Variants in ALK observed in about 807,000 individuals in gnomAD.
The protein encoded by ALK is ALK tyrosine kinase receptor.
ALK carries 74 observed loss-of-function variants against 163.1 expected under a neutral mutation model. The observed-to-expected ratio is 0.45, with a 90% CI of 0.38 to 0.55. The LOEUF is 0.55. ALK is among the 20% of genes least tolerant of loss of function. The pLI, the probability that ALK is intolerant of heterozygous loss-of-function variation, is 0.00. For missense variants in ALK, 2,063 were observed against 2,105.3 expected (o/e 0.98, Z 0.39); for synonymous variants, 960 against 843.2 (o/e 1.14, Z -2.40).
At chr2:29,633,301 G>A (rs1481590317) in intron 3 of ALK, among the ~76,000 whole-genome samples, 1 of 152,108 alleles carries the variant, frequency 6.6e-6, no homozygotes, top group South Asian at 2.1e-4. Flanking sequence ...CTGAGCTCAG[G>A]AGGTGTGGGA....
intron 26 of ALK, among the ~76,000 whole-genome samples, chr2:29,204,502 G>A (rs1428083634): frequency 6.7e-6 from 1 of 150,054 alleles, no homozygotes; most frequent in African/African-American, 2.4e-5. Context: ...GTGGTTACGG[G>A]ATGTGGGGAG....
chr2:29,779,533 C>T (rs192419404), intron 1 of ALK, among the ~76,000 whole-genome samples: 35 of 152,296 alleles, frequency 2.3e-4, no homozygotes, highest in African/African-American at 7.2e-4. Context: ...ACCAGCAATA[C>T]GGACTCCTGA....
rs377301387 is a variant in ALK at position 29,574,707 on chromosome 2, G to T, written c.953-42591C>A. ...CTTGCTTTGAGGCAGGGCCTCCTGC[G>T]GGTTGGTGTTTCTACCTTTTGCTGA... On this transcript the variant is annotated intron_variant, in intron 3 of 28. Transcript: ENST00000389048. Among the ~76,000 whole-genome samples the T allele has an allele frequency of 1.4e-4, 22 of 152,340 alleles. No individual in the cohort carries two copies. In the East Asian group the frequency reaches 2.5e-3, roughly 17 times the overall value.
intron 8 of ALK, among the ~76,000 whole-genome samples, chr2:29,301,203 T>C (rs1666358150): frequency 6.6e-6 from 1 of 152,218 alleles, no homozygotes; most frequent in Non-Finnish European, 1.5e-5. Flanking sequence ...TCTTTTGTTT[T>C]CTCTACCTGC....
At chr2:29,489,741 C>T (rs913758304) in intron 4 of ALK, among the ~76,000 whole-genome samples, 10 of 152,212 alleles carry the variant, frequency 6.6e-5, no homozygotes, top group Non-Finnish European at 1.3e-4. Context: ...CCGAAGAAGC[C>T]TATTCTAGGG....
At chr2:29,206,183 T>A (rs1669303395) in intron 26 of ALK, among the ~76,000 whole-genome samples, 1 of 151,654 alleles carries the variant, frequency 6.6e-6, no homozygotes, top group Admixed American at 6.6e-5. Flanking sequence ...CCCCTTCTTT[T>A]CTTCCTCCCT....
chr2:29,677,955 T>C (rs554093489), intron 3 of ALK, among the ~76,000 whole-genome samples: 5 of 152,192 alleles, frequency 3.3e-5, no homozygotes, highest in Non-Finnish European at 5.9e-5. Context: ...CTAATTCAAG[T>C]CTTTACTTGT....
intron 4 of ALK, among the ~76,000 whole-genome samples, chr2:29,390,432 G>A (rs1256922387): frequency 2.6e-5 from 4 of 152,204 alleles, no homozygotes; most frequent in Non-Finnish European, 1.5e-5. Context: ...CAGGACTCAA[G>A]CCACACTGCT....
chr2:29,209,962 G>A (rs1018565059), intron 24 of ALK, 84 bp from the exon 25 acceptor site: 1 of 1,103,340 alleles, frequency 9.1e-7, no homozygotes. Context: ...TTATCTCCAA[G>A]CTGAAGTTTA....
At chr2:29,862,817 A>G (rs371646336) in intron 1 of ALK, among the ~76,000 whole-genome samples, 1 of 130,678 alleles carries the variant, frequency 7.7e-6, no homozygotes, top group African/African-American at 2.6e-5. Context: ...AGCCAAAGCA[A>G]TCTTGAGAAA....
intron 1 of ALK, among the ~76,000 whole-genome samples, chr2:29,841,327 T>C (rs74437418): frequency 0.012 from 1,788 of 152,326 alleles, 44 homozygotes; most frequent in African/African-American, 0.04. Flanking sequence ...CAGCTAATTC[T>C]AGAAGAGATA....
intron 8 of ALK, among the ~76,000 whole-genome samples, chr2:29,315,539 A>G (rs958327043): frequency 2.0e-5 from 3 of 152,106 alleles, no homozygotes; most frequent in Non-Finnish European, 4.4e-5. Context: ...TGGCAAGCAC[A>G]CCTACGGCCA....
At chr2:29,831,519 T>C (rs1665419675) in intron 1 of ALK, among the ~76,000 whole-genome samples, 1 of 152,140 alleles carries the variant, frequency 6.6e-6, no homozygotes, top group African/African-American at 2.4e-5. Context: ...TTTTACTGTG[T>C]GTGCTGTGTC....
chr2:29,359,765 G>A (rs1212518764), intron 5 of ALK, among the ~76,000 whole-genome samples: 1 of 152,192 alleles, frequency 6.6e-6, no homozygotes, highest in East Asian at 1.9e-4. Flanking sequence ...TGGCAGTCTT[G>A]TTAGCTGGGT....
At chr2:29,534,439 G>C (rs58870871) in intron 3 of ALK, among the ~76,000 whole-genome samples, 117 of 152,316 alleles carry the variant, frequency 7.7e-4, no homozygotes, top group African/African-American at 2.6e-3. Context: ...TCTGGGGACA[G>C]AGTCTTGCTC....
At chr2:29,301,280 C>A (rs1666362091) in intron 8 of ALK, among the ~76,000 whole-genome samples, 1 of 152,078 alleles carries the variant, frequency 6.6e-6, no homozygotes, top group South Asian at 2.1e-4. Flanking sequence ...TCTTTTCATC[C>A]ATCTCAGAAA....
intron 3 of ALK, among the ~76,000 whole-genome samples, chr2:29,581,688 A>G (rs998295025): frequency 3.3e-5 from 5 of 152,040 alleles, no homozygotes; most frequent in African/African-American, 1.2e-4. Context: ...GCTCCAGGAG[A>G]TGGTGACCAT....
intron 5 of ALK, among the ~76,000 whole-genome samples, chr2:29,358,639 T>C (rs1668311316): frequency 6.6e-6 from 1 of 152,234 alleles, no homozygotes; most frequent in Non-Finnish European, 1.5e-5. Flanking sequence ...CCAGTTCTAC[T>C]TGGACATGGA....
chr2:29,232,622 G>A (rs1664247242), intron 14 of ALK, among the ~76,000 whole-genome samples, 174 bp from the exon 15 acceptor site: 1 of 152,188 alleles, frequency 6.6e-6, no homozygotes, highest in African/African-American at 2.4e-5. Context: ...ATAGCCCATC[G>A]GCTCCGCCAG....
Sources: allele counts gnomAD v4.1 joint callset (sites outside exome capture counted in the v4.1 genomes callset), GRCh38; gene constraint gnomAD v4.1.1; transcripts MANE v1.5; gene names NCBI Gene and HGNC (gene_info 2026-07-23, HGNC 2026-07-21).